Variants in SLU7 observed in about 807,000 individuals in gnomAD.
The protein encoded by SLU7 is spliceosome associated SLU7, also known as pre-mRNA-splicing factor SLU7.
SLU7 carries 60 observed loss-of-function variants against 87.0 expected under a neutral mutation model. The observed-to-expected ratio is 0.69, with a 90% confidence interval of 0.56 to 0.86. The LOEUF (loss-of-function observed/expected upper bound fraction) is 0.86. SLU7 is among the 40% of genes least tolerant of loss of function. SLU7 has a pLI of 0.00. For missense variants in SLU7, 507 were observed against 686.6 expected (o/e 0.74, Z 2.92); for synonymous variants, 197 against 222.0 (o/e 0.89, Z 1.00).
chr5:160,413,988 ATAT>A lies in SLU7; in HGVS notation c.325-12_325-10del. ...TTAGTAATTATGGAATTCTATAAAT[ATAT>A]ATAAAGAAAAACAAAAATGTCTTAA... On this transcript the variant is annotated splice_polypyrimidine_tract_variant and intron_variant, in intron 3 of 15. Coordinates refer to ENST00000297151, the MANE Select transcript of SLU7 (RefSeq NM_006425.5). 6.6e-7 allele frequency: 1 copy of A among 1,507,534 alleles called. No homozygotes were observed. Among genetic ancestry groups the A allele is most frequent in the South Asian group, 1.3e-5 (1 of 77,660 alleles). 93.4% of individuals were successfully genotyped at this position (1,507,534 alleles called of 1,614,324 possible).
chr5:160,415,333 C>T (rs1765405830), intron 1 of SLU7, 23 bp from the exon 2 acceptor site: 2 of 1,522,858 alleles, frequency 1.3e-6, no homozygotes, highest in Non-Finnish European at 8.8e-7. Context: ...GTGAAACTTA[C>T]AGTAAAAAGT....
rs555886861 is a variant in SLU7, at chr5:160,407,195, T to C, written c.1125+281A>G. On this transcript the variant is annotated intron_variant, in intron 11 of 15. Coordinates refer to ENST00000297151, the MANE Select transcript of SLU7 (RefSeq NM_006425.5). This position sits in a 1 kb window ranked among gnomAD's most constrained non-coding sequence, Gnocchi z 4.2. ...AAACACAAGAGTGAGGCCATCTTAG[T>C]TCATCATCTAACCTCAGCTGAGCAA... Among the ~76,000 whole-genome samples the C allele has an allele frequency of 3.3e-5, 5 of 152,346 alleles. No individual in the cohort carries two copies. Among genetic ancestry groups the C allele is most frequent in the Admixed American group, 2.0e-4 (3 of 15,302 alleles).
chr5:160,410,842 T>C (rs946836152), intron 6 of SLU7, among the ~76,000 whole-genome samples: 2 of 151,448 alleles, frequency 1.3e-5, no homozygotes, highest in Non-Finnish European at 1.5e-5. Context: ...TCAGACATAC[T>C]AAACTGCAGC....
intron 6 of SLU7, 66 bp from the exon 7 acceptor site, chr5:160,408,763 T>A: frequency 2.0e-6 from 1 of 493,024 alleles, no homozygotes; most frequent in Non-Finnish European, 3.4e-6. Flanking sequence ...ACTTTATTAT[T>A]AAGATAATAA....
At chr5:160,417,791 C>CAAAAAA (rs33929783) in intron 1 of SLU7, among the ~76,000 whole-genome samples, 7 of 111,172 alleles carry the variant, frequency 6.3e-5, no homozygotes, top group Admixed American at 2.9e-4. Context: ...GACTACGTCT[C>CAAAAAA]AAAAAAAAAA....
intron 14 of SLU7, 81 bp from the exon 15 acceptor site, chr5:160,404,637 A>T: frequency 9.8e-7 from 1 of 1,023,844 alleles, no homozygotes; most frequent in South Asian, 1.4e-5. Flanking sequence ...GAGGCACAAG[A>T]ATCACTTGAA....
At chr5:160,418,556 C>G (rs576445007) in intron 1 of SLU7, 3 of 152,238 alleles carry the variant, frequency 2.0e-5, no homozygotes, top group African/African-American at 4.8e-5. Context: ...CTCCCACTTA[C>G]TGAGGGCTTA....
chr5:160,415,217 C>G lies in SLU7; in HGVS notation c.78G>C (p.Lys26Asn). Residue 26 changes from lysine (K) to asparagine (N), a missense_variant, in exon 2 of 16, where the codon AAG (lysine) becomes AAC (asparagine). Physicochemically the swap from Lys to Asn is moderately conservative, Grantham distance 94. Around this residue, in one of 6 missense-constraint regions of SLU7, gnomAD observed 33 missense variants for 37.3 expected, o/e 0.88. Coordinates refer to ENST00000297151, the MANE Select transcript of SLU7 (RefSeq NM_006425.5). Reference protein sequence around the residue: ...GSKEMSLEEPKKMTREDWRKK... With the variant: ...GSKEMSLEEPNKMTREDWRKK... Reference sequence around the variant, plus strand: ...TTCTCCAGTCCTCTCTGGTCATCTTCTTTGGTTCTTCCAAACTCATTTCTT... The same window carrying G: ...TTCTCCAGTCCTCTCTGGTCATCTTGTTTGGTTCTTCCAAACTCATTTCTT... 8 of 1,611,724 alleles carry G rather than the reference C, an allele frequency of 5.0e-6. No individual in the cohort carries two copies. The highest frequency in any genetic ancestry group is 6.8e-6 in the Non-Finnish European group (8 of 1,179,066).
chr5:160,408,747 C>CA, intron 6 of SLU7, 50 bp from the exon 7 acceptor site: 1 of 795,098 alleles, frequency 1.3e-6, no homozygotes. Flanking sequence ...CCACTTAATC[C>CA]AATTAACTTT....
At position 160,407,155 on chromosome 5, in the gene SLU7, A is replaced by T. The variant is rs1279263340; in HGVS notation, c.1125+321T>A. The stretch of plus-strand genomic sequence containing the variant: ...CAGAAGAGGTCCCCTTAGGACAATT[A>T]GCCTGTTAACTGCTAAACACAAGAG... On this transcript the variant is annotated intron_variant, in intron 11 of 15. Coordinates refer to ENST00000297151, the MANE Select transcript of SLU7 (RefSeq NM_006425.5). This position sits in a 1 kb window ranked among gnomAD's most constrained non-coding sequence, Gnocchi z 4.2. Among the ~76,000 whole-genome samples the T allele has an allele frequency of 1.3e-5, 2 of 152,280 alleles. No individual in the cohort carries two copies. Among genetic ancestry groups the T allele is most frequent in the Non-Finnish European group, 2.9e-5 (2 of 68,048 alleles).
Position 160,415,214 on chromosome 5 carries a change from C to T in SLU7, c.81G>A (p.Lys27=). ...SKEMSLEEPK[K]MTREDWRKKK... ...TCTTTCTCCAGTCCTCTCTGGTCAT[C>T]TTCTTTGGTTCTTCCAAACTCATTT... The change falls in exon 2 of 16, where the codon AAG becomes AAA. Residue 27 remains lysine, a synonymous_variant. Transcript: ENST00000297151. The T allele has an allele frequency of 1.2e-6, 2 of 1,612,008 alleles. No homozygotes were observed. The highest frequency in any genetic ancestry group is 1.7e-6 in the Non-Finnish European group (2 of 1,179,170).
At chr5:160,404,313 T>G in intron 15 of SLU7, 127 bp downstream of exon 15, 1 of 625,840 alleles carries the variant, frequency 1.6e-6, no homozygotes. Flanking sequence ...TGCAGTGAGC[T>G]GCGGTCGTGC....
At chr5:160,417,913 C>T (rs531531396) in intron 1 of SLU7, among the ~76,000 whole-genome samples, 1 of 152,174 alleles carries the variant, frequency 6.6e-6, no homozygotes. Context: ...CTTCCAGCCT[C>T]ACCATTACAA....
chr5:160,411,177 T>G (rs2113140436), intron 6 of SLU7, among the ~76,000 whole-genome samples: 1 of 152,202 alleles, frequency 6.6e-6, no homozygotes, highest in Non-Finnish European at 1.5e-5. Context: ...GCAAATTCAC[T>G]TTTCTAAGAG....
At chr5:160,406,029 T>G (rs771536446) in intron 12 of SLU7, among the ~76,000 whole-genome samples, 9 of 152,238 alleles carry the variant, frequency 5.9e-5, no homozygotes, top group Non-Finnish European at 1.0e-4. Context: ...TTTTCTGAAG[T>G]GCAATAATGT....
At position 160,403,454 on chromosome 5, in the gene SLU7, G is replaced by A; in HGVS notation, c.1592C>T (p.Ala531Val). Reference protein sequence around the residue: ...KHEKLKKALNAEEARLLHVKE... With the variant: ...KHEKLKKALNVEEARLLHVKE... ...GACATGAAGAAGGCGGGCCTCCTCT[G>A]CGTTCAGTGCCTATAGTGAGAGGAA... is the stretch of plus-strand genomic sequence containing the variant. The change falls in exon 16 of 16, where the codon GCA (alanine) becomes GTA (valine). Residue 531 changes from alanine (A) to valine (V), a missense_variant. Ala to Val is a moderately conservative substitution (Grantham distance 64). Around this residue, in one of 6 missense-constraint regions of SLU7, gnomAD observed 201 missense variants for 213.4 expected, o/e 0.94. Coordinates refer to ENST00000297151, the MANE Select transcript of SLU7 (RefSeq NM_006425.5). 6.2e-7 allele frequency: 1 copy of A among 1,606,610 alleles called. No homozygotes were observed. Among genetic ancestry groups the A allele is most frequent in the Admixed American group, 1.7e-5 (1 of 58,596 alleles).
At chr5:160,404,693 C>T (rs1289796942) in intron 14 of SLU7, 116 bp downstream of exon 14, 20 of 896,060 alleles carry the variant, frequency 2.2e-5, no homozygotes, top group African/African-American at 8.5e-5. Context: ...GCACTGCGCT[C>T]GAGCCTGGGC....
At chr5:160,403,993 C>A (rs1010937437) in intron 15 of SLU7, among the ~76,000 whole-genome samples, 3 of 152,206 alleles carry the variant, frequency 2.0e-5, no homozygotes. Flanking sequence ...ATCACTCAGA[C>A]TCTAGGCTTG....
intron 6 of SLU7, among the ~76,000 whole-genome samples, chr5:160,411,166 G>A (rs372080441): frequency 9.2e-5 from 14 of 152,024 alleles, no homozygotes; most frequent in East Asian, 3.9e-4. Flanking sequence ...GCGCCCGGCC[G>A]GCAAATTCAC....
Sources: allele counts gnomAD v4.1 joint callset (sites outside exome capture counted in the v4.1 genomes callset), GRCh38; gene constraint gnomAD v4.1.1; regional missense constraint gnomAD v4.1.1; non-coding constraint Gnocchi (gnomAD v3.1); transcripts MANE v1.5; gene names NCBI Gene and HGNC (gene_info 2026-07-23, HGNC 2026-07-21).